Variants in DACH2 observed in about 807,000 individuals in gnomAD.
DACH2 encodes the protein dachshund family transcription factor 2, also known as dachshund homolog 2.
A neutral mutation model predicts 35.8 loss-of-function variants in DACH2; 17 were observed. The ratio of observed to expected loss-of-function variants is 0.48; its 90% confidence interval spans 0.33 to 0.71. The LOEUF (loss-of-function observed/expected upper bound fraction) is 0.71, where lower values mean the gene tolerates loss of function less well. Among genes scored for constraint, DACH2 ranks in the 30% least tolerant of loss-of-function variants. The pLI is 0.02. For missense variants in DACH2, 469 were observed against 472.7 expected (o/e 0.99, Z 0.07); for synonymous variants, 195 against 177.3 (o/e 1.10, Z -0.79).
At chrX:86,430,909 GT>G (rs1569396511) in intron 2 of DACH2, among the ~76,000 whole-genome samples, 1 of 111,806 alleles carries the variant, frequency 8.9e-6, no homozygotes, top group Non-Finnish European at 1.9e-5. Flanking sequence ...ACGATGACAT[GT>G]TTTTTGTTAC....
intron 3 of DACH2, among the ~76,000 whole-genome samples, chrX:86,629,702 G>A (rs1460975173): frequency 2.8e-5 from 3 of 106,490 alleles, no homozygotes; most frequent in African/African-American, 6.9e-5. Flanking sequence ...GAGCAATATG[G>A]TGAAACCCTA....
intron 6 of DACH2, among the ~76,000 whole-genome samples, chrX:86,728,773 TTC>T (rs976600017): frequency 8.9e-6 from 1 of 112,864 alleles, no homozygotes; most frequent in African/African-American, 3.2e-5. Context: ...CCTCGGCAGC[TTC>T]TGTCTGATGT....
At chrX:86,630,598 G>C (rs2040189636) in intron 3 of DACH2, among the ~76,000 whole-genome samples, 1 of 110,801 alleles carries the variant, frequency 9.0e-6, no homozygotes, top group Non-Finnish European at 1.9e-5. Context: ...AAAGTAGTTT[G>C]GAAAAAGTTG....
At chrX:86,701,361 C>T (rs1250244579) in intron 5 of DACH2, among the ~76,000 whole-genome samples, 1 of 111,329 alleles carries the variant, frequency 9.0e-6, no homozygotes, top group African/African-American at 3.3e-5. Context: ...GGAGCTACCG[C>T]AAAATAATAA....
chrX:86,157,499 T>C (rs1417038030), intron 1 of DACH2, among the ~76,000 whole-genome samples: 3 of 111,973 alleles, frequency 2.7e-5, no homozygotes, highest in African/African-American at 9.7e-5. Flanking sequence ...CATTCATTAT[T>C]TATTAAAAGA....
intron 7 of DACH2, among the ~76,000 whole-genome samples, chrX:86,751,319 CAT>C (rs1390450528): frequency 2.5e-4 from 28 of 110,676 alleles, no homozygotes; most frequent in African/African-American, 9.2e-4. Context: ...ATTGGTTCAA[CAT>C]ATAAAAATCA....
intron 1 of DACH2, among the ~76,000 whole-genome samples, chrX:86,269,662 A>G (rs1315833271): frequency 9.0e-6 from 1 of 111,581 alleles, no homozygotes; most frequent in Non-Finnish European, 1.9e-5. Flanking sequence ...AGAGATATAC[A>G]GAACTCAACA....
intron 3 of DACH2, among the ~76,000 whole-genome samples, chrX:86,563,821 A>G (rs750945706): frequency 2.0e-4 from 22 of 111,228 alleles, no homozygotes; most frequent in African/African-American, 7.2e-4. Flanking sequence ...TACAAACATA[A>G]TGTGCGATTA....
intron 1 of DACH2, among the ~76,000 whole-genome samples, chrX:86,305,668 C>T (rs976984351): frequency 1.8e-5 from 2 of 110,155 alleles, no homozygotes; most frequent in African/African-American, 6.6e-5. Flanking sequence ...TATTTATAAA[C>T]AATGCGTCTG....
chrX:86,703,048 A>G (rs1282905003), intron 5 of DACH2, among the ~76,000 whole-genome samples: 23 of 111,125 alleles, frequency 2.1e-4, no homozygotes, highest in African/African-American at 7.2e-4. Flanking sequence ...AAATCCAACA[A>G]CACATCAAAA....
intron 2 of DACH2, among the ~76,000 whole-genome samples, chrX:86,461,069 A>G (rs1469241151): frequency 9.0e-6 from 1 of 111,365 alleles, no homozygotes; most frequent in Non-Finnish European, 1.9e-5. Flanking sequence ...GCAGTTATAT[A>G]TTAACACTTA....
At position 86,599,462 on chromosome X, in the gene DACH2, C is replaced by T. The variant is rs866633400; in HGVS notation, c.641-51574C>T. The stretch of plus-strand genomic sequence containing the variant: ...TCTCTTTCTTTCCCTTCCTTCCTTC[C>T]TTCTTTTCTTTCTTTCTTTCTTTCT... On this transcript the variant is annotated intron_variant, in intron 3 of 11. Coordinates refer to ENST00000373125, the MANE Select transcript of DACH2 (RefSeq NM_053281.3). Among the ~76,000 whole-genome samples, 303 of 89,325 alleles carry T rather than the reference C, an allele frequency of 3.4e-3. 4 individuals are homozygous for T. The highest frequency in any genetic ancestry group is 0.032 in the Admixed American group (230 of 7,265). The allele number at this position is 89,325 out of a possible 115,157, so 77.6% of individuals were successfully genotyped here.
chrX:86,428,993 C>T (rs1252078707), intron 2 of DACH2, among the ~76,000 whole-genome samples: 1 of 111,196 alleles, frequency 9.0e-6, no homozygotes, highest in Non-Finnish European at 1.9e-5. Context: ...AAATTGGAGA[C>T]TTAAAAGCCC....
intron 4 of DACH2, among the ~76,000 whole-genome samples, chrX:86,679,612 G>GTC (rs796939081): frequency 0.022 from 1,806 of 83,513 alleles, 14 homozygotes; most frequent in East Asian, 0.053. Context: ...CTCTCTCTCT[G>GTC]TCTCTGTGTG....
intron 1 of DACH2, among the ~76,000 whole-genome samples, chrX:86,318,400 T>A (rs1166666409): frequency 1.8e-5 from 2 of 111,492 alleles, no homozygotes; most frequent in Non-Finnish European, 3.8e-5. Flanking sequence ...ATTCCACAGA[T>A]GATTATAAAC....
chrX:86,400,675 C>G (rs2036408966), intron 2 of DACH2, among the ~76,000 whole-genome samples: 1 of 111,872 alleles, frequency 8.9e-6, no homozygotes, highest in Non-Finnish European at 1.9e-5. Flanking sequence ...GTATCAGCAG[C>G]AGTTTCTGCA....
rs190860599 is a variant in DACH2, at chrX:86,614,736, G to A, written c.641-36300G>A. Among the ~76,000 whole-genome samples the A allele has an allele frequency of 1.2e-3, 129 of 111,513 alleles. No homozygotes were observed. The Middle Eastern group carries it at 0.032, about 28-fold the overall frequency. ...AATTCTGCTTTCCATAAAATTTTGA[G>A]GGGAATACAGCTCAAGATAGCAGTG... On this transcript the variant is annotated intron_variant, in intron 3 of 11. Coordinates refer to ENST00000373125, the MANE Select transcript of DACH2 (RefSeq NM_053281.3).
chrX:86,312,158 A>G (rs2034815130), intron 1 of DACH2, among the ~76,000 whole-genome samples: 1 of 112,153 alleles, frequency 8.9e-6, no homozygotes, highest in Non-Finnish European at 1.9e-5. Context: ...TGTCATGAGT[A>G]TTTCCTCCTT....
At chrX:86,743,328 G>T (rs1350318761) in intron 7 of DACH2, among the ~76,000 whole-genome samples, 3 of 111,068 alleles carry the variant, frequency 2.7e-5, no homozygotes, top group African/African-American at 9.8e-5. Flanking sequence ...GAGAAAGTAA[G>T]AATTTTAAAG....
Sources: allele counts gnomAD v4.1 joint callset (sites outside exome capture counted in the v4.1 genomes callset), GRCh38; gene constraint gnomAD v4.1.1; transcripts MANE v1.5; gene names NCBI Gene and HGNC (gene_info 2026-07-23, HGNC 2026-07-21).